Variants in PRKAR1A observed in about 807,000 individuals in gnomAD.
The protein encoded by PRKAR1A is protein kinase cAMP-dependent type I regulatory subunit alpha.
A neutral mutation model predicts 52.0 loss-of-function variants in PRKAR1A; 3 were observed. The ratio of observed to expected loss-of-function variants is 0.06; its 90% CI spans 0.03 to 0.15. PRKAR1A has a LOEUF of 0.15. Among genes scored for constraint, PRKAR1A ranks in the 10% least tolerant of loss-of-function variants. PRKAR1A has a pLI of 1.00. For missense variants in PRKAR1A, 240 were observed against 477.4 expected, an observed-to-expected ratio of 0.50 and a Z score of 4.63; for synonymous variants, 188 against 168.4, an observed-to-expected ratio of 1.12 and a Z score of -0.90.
At chr17:68,461,159 C>T in the PRKAR1A span, among the ~76,000 whole-genome samples, 1 of 152,204 alleles carries the variant, frequency 6.6e-6, no homozygotes, top group South Asian at 2.1e-4. The surrounding 1 kb of genome is among the most constrained non-coding windows in gnomAD (Gnocchi z 4.6). Flanking sequence ...TTTCTTTCAA[C>T]TGAAATTCCT....
chr17:68,420,608 T>G, the PRKAR1A span: 1 of 965,518 alleles, frequency 1.0e-6, no homozygotes, highest in African/African-American at 1.6e-5. Context: ...ATCCCTTCTG[T>G]ATCCTGTCCC....
At chr17:68,547,918 C>T (rs9904321) in intron 11 of PRKAR1A, among the ~76,000 whole-genome samples, 3,399 of 152,306 alleles carry the variant, frequency 0.022, 141 homozygotes, top group African/African-American at 0.078. Context: ...TTACTAGCCT[C>T]CTGAATAATT....
At chr17:68,519,661 ACTC>A (rs1231465235) in intron 2 of PRKAR1A, among the ~76,000 whole-genome samples, 20 of 152,156 alleles carry the variant, frequency 1.3e-4, no homozygotes, top group Non-Finnish European at 2.6e-4. Flanking sequence ...ACCTTCAACT[ACTC>A]CATAAGAAAT....
chr17:68,516,733 A>C (rs541879922), intron 2 of PRKAR1A, among the ~76,000 whole-genome samples: 2 of 152,124 alleles, frequency 1.3e-5, no homozygotes, highest in African/African-American at 4.8e-5. Flanking sequence ...ATAATTAAAA[A>C]AAAAACAAAA....
chr17:68,495,612 G>A, the PRKAR1A span, among the ~76,000 whole-genome samples: 1 of 152,060 alleles, frequency 6.6e-6, no homozygotes, highest in African/African-American at 2.4e-5. Context: ...TGTATTGCAC[G>A]TGCTTCTCTT....
downstream of PRKAR1A, chr17:68,533,484 C>T: frequency 1.1e-6 from 1 of 944,680 alleles, no homozygotes; most frequent in South Asian, 5.1e-5. Context: ...AAACAGTGGC[C>T]CAAGTAGACT....
At chr17:68,421,725 A>C in the PRKAR1A span, 6 of 1,613,714 alleles carry the variant, frequency 3.7e-6, no homozygotes, top group Non-Finnish European at 4.2e-6. Flanking sequence ...GTTTTCTCCA[A>C]AACCACCTGA....
chr17:68,494,718 G>C, the PRKAR1A span, among the ~76,000 whole-genome samples: 1 of 151,790 alleles, frequency 6.6e-6, no homozygotes, highest in Non-Finnish European at 1.5e-5. Context: ...CCCGGCAAAC[G>C]GTCTCAGCTG....
At chr17:68,494,824 G>T in the PRKAR1A span, among the ~76,000 whole-genome samples, 1 of 152,020 alleles carries the variant, frequency 6.6e-6, no homozygotes, top group Non-Finnish European at 1.5e-5. Context: ...GACCTCAGTC[G>T]ACACCACATG....
chr17:68,425,397 T>G, the PRKAR1A span, among the ~76,000 whole-genome samples: 1 of 150,884 alleles, frequency 6.6e-6, no homozygotes, highest in African/African-American at 2.4e-5. Flanking sequence ...TTTTTTTTTT[T>G]TTTGGTGGAG....
At chr17:68,524,455 A>T (rs2085718979) in intron 5 of PRKAR1A, among the ~76,000 whole-genome samples, 1 of 152,208 alleles carries the variant, frequency 6.6e-6, no homozygotes, top group African/African-American at 2.4e-5. Context: ...TCTATTAAAA[A>T]GGTTCTAGGA....
intron 2 of PRKAR1A, among the ~76,000 whole-genome samples, chr17:68,521,536 T>C (rs10468445): frequency 0.72 from 108,970 of 152,254 alleles, 39,400 homozygotes; most frequent in East Asian, 0.9. Context: ...CAGTCATGTA[T>C]TCTTAAACTT....
chr17:68,481,059 A>C, the PRKAR1A span, among the ~76,000 whole-genome samples: 1 of 152,216 alleles, frequency 6.6e-6, no homozygotes, highest in East Asian at 1.9e-4. Context: ...CAGTTATAGC[A>C]ACAGCTCACC....
chr17:68,448,041 T>G, the PRKAR1A span, among the ~76,000 whole-genome samples: 3 of 148,342 alleles, frequency 2.0e-5, no homozygotes, highest in Non-Finnish European at 4.5e-5. Context: ...TAACACCTTA[T>G]CCAAATCTTT....
the PRKAR1A span, among the ~76,000 whole-genome samples, chr17:68,430,671 T>TGG: frequency 1.5e-3 from 224 of 152,310 alleles, 1 homozygote; most frequent in African/African-American, 5.2e-3. Flanking sequence ...ACCCAGCATG[T>TGG]GTAATGATGG....
the PRKAR1A span, among the ~76,000 whole-genome samples, chr17:68,425,288 C>T: frequency 1.3e-3 from 197 of 152,278 alleles, 1 homozygote; most frequent in African/African-American, 4.7e-3. Flanking sequence ...ACTGCAGCCT[C>T]GACCTCCCAG....
chr17:68,485,575 C>T, the PRKAR1A span, among the ~76,000 whole-genome samples: 1 of 152,122 alleles, frequency 6.6e-6, no homozygotes, highest in African/African-American at 2.4e-5. Flanking sequence ...AATGCCCGCA[C>T]CACAGAAGAA....
At chr17:68,503,305 G>A in the PRKAR1A span, among the ~76,000 whole-genome samples, 1 of 152,118 alleles carries the variant, frequency 6.6e-6, no homozygotes, top group East Asian at 1.9e-4. Flanking sequence ...AATCCAGTTT[G>A]GCAATTTTTT....
the PRKAR1A span, among the ~76,000 whole-genome samples, chr17:68,495,238 T>G: frequency 0.74 from 112,211 of 152,032 alleles, 41,760 homozygotes; most frequent in East Asian, 0.95. Context: ...TCACTATATT[T>G]TCCAGGCTGG....
Sources: allele counts gnomAD v4.1 joint callset (sites outside exome capture counted in the v4.1 genomes callset), GRCh38; gene constraint gnomAD v4.1.1; non-coding constraint Gnocchi (gnomAD v3.1); transcripts MANE v1.5; gene names NCBI Gene and HGNC (gene_info 2026-07-23, HGNC 2026-07-21).